Variants in ADAM9 observed in about 807,000 individuals in gnomAD.
ADAM9 encodes ADAM metallopeptidase domain 9, also known as disintegrin and metalloproteinase domain-containing protein 9.
In ADAM9, 54 loss-of-function variants were observed where a neutral mutation model predicts 108.1. The ratio of observed to expected loss-of-function variants is 0.50; its 90% CI spans 0.40 to 0.63. The LOEUF is 0.63. Ranked by LOEUF, ADAM9 falls within the 20% of genes least tolerant of loss-of-function variation. The probability of loss-of-function intolerance (pLI) is 0.00; values close to 1 mark genes in which losing one functional copy is unlikely to be tolerated. For synonymous variants in ADAM9, 316 were observed against 336.0 expected, an observed-to-expected ratio of 0.94 and a Z score of 0.65; for missense variants, 830 against 997.7, an observed-to-expected ratio of 0.83 and a Z score of 2.26.
At chr8:39,061,068 G>A (rs1389105619) in intron 14 of ADAM9, among the ~76,000 whole-genome samples, 1 of 152,194 alleles carries the variant, frequency 6.6e-6, no homozygotes, top group Admixed American at 6.5e-5. Flanking sequence ...TCTGCACAGG[G>A]CAAATAGGTG....
chr8:39,011,602 G>A, intron 2 of ADAM9, 56 bp from the exon 3 acceptor site: 1 of 1,502,610 alleles, frequency 6.7e-7, no homozygotes, highest in Non-Finnish European at 9.2e-7. Context: ...ATGAGATGTT[G>A]TTGAAAAGTA....
chr8:39,065,945 C>A (rs1838455623), intron 14 of ADAM9, among the ~76,000 whole-genome samples: 1 of 152,102 alleles, frequency 6.6e-6, no homozygotes, highest in Admixed American at 6.5e-5. Context: ...TGTTCCCTTT[C>A]CTGTGTCCAA....
At chr8:39,027,272 A>T (rs557836731) in intron 11 of ADAM9, among the ~76,000 whole-genome samples, 3 of 152,362 alleles carry the variant, frequency 2.0e-5, no homozygotes, top group Admixed American at 2.0e-4. Flanking sequence ...AAAGTGCTGC[A>T]TTGTCACTGT....
chr8:39,046,186 C>T (rs1384439908), intron 12 of ADAM9, among the ~76,000 whole-genome samples: 1 of 151,596 alleles, frequency 6.6e-6, no homozygotes, highest in Non-Finnish European at 1.5e-5. Context: ...GATCTTTTTC[C>T]TCACTTGTTA....
chr8:39,043,748 A>C (rs4733903), intron 12 of ADAM9, among the ~76,000 whole-genome samples: 3 of 151,972 alleles, frequency 2.0e-5, no homozygotes, highest in South Asian at 2.1e-4. Context: ...TTGTACCCAA[A>C]AGGTAATTTT....
chr8:39,064,015 G>GT (rs1471287197), intron 14 of ADAM9, among the ~76,000 whole-genome samples: 2 of 152,218 alleles, frequency 1.3e-5, no homozygotes, highest in East Asian at 3.9e-4. Flanking sequence ...CTTGAACTAG[G>GT]AATCCCTGCG....
intron 2 of ADAM9, among the ~76,000 whole-genome samples, chr8:39,009,766 T>A (rs986850808): frequency 6.6e-6 from 1 of 152,158 alleles, no homozygotes; most frequent in Non-Finnish European, 1.5e-5. Context: ...TTAAAAAGTA[T>A]TTATTGAGTT....
intron 1 of ADAM9, among the ~76,000 whole-genome samples, chr8:39,001,236 G>A (rs537972309): frequency 6.6e-6 from 1 of 152,200 alleles, no homozygotes; most frequent in South Asian, 2.1e-4. Flanking sequence ...AATGACAAAT[G>A]TGTAGGCTAT....
At chr8:39,057,885 A>G (rs1435944333) in intron 14 of ADAM9, among the ~76,000 whole-genome samples, 4 of 151,846 alleles carry the variant, frequency 2.6e-5, no homozygotes, top group Non-Finnish European at 2.9e-5. Context: ...AGTCAAATTA[A>G]CTCTACTAAA....
rs1032780341 is a variant in ADAM9 at position 39,105,062 on chromosome 8, T to C, written c.*1362T>C. 4.9e-6 allele frequency: 2 copies of C among 404,302 alleles called. No individual in the cohort carries two copies. Among genetic ancestry groups the C allele is most frequent in the African/African-American group, 2.1e-5 (1 of 47,318 alleles). 25.0% of individuals were successfully genotyped at this position (404,302 alleles called of 1,614,324 possible). On this transcript the variant is annotated 3_prime_UTR_variant, in exon 22 of 22. Transcript: ENST00000487273. ...TATAATCTCATTAATTAAAAAGTTA[T>C]AATTTTAGATAAAAATTCTAGTCAA...
rs1564397241 is a variant in ADAM9 at position 39,103,749 on chromosome 8, C to T, written c.*49C>T. On this transcript the variant is annotated 3_prime_UTR_variant, in exon 22 of 22. Transcript: ENST00000487273. ...ATGTCTTCAGGGAACTGAGCTAATA[C>T]TTTTTTTTTTTCTTGATGTTTTCTT... is the stretch of plus-strand genomic sequence containing the variant. 1 of 1,226,456 alleles carries T rather than the reference C, an allele frequency of 8.2e-7. No homozygotes were observed. The highest frequency in any genetic ancestry group is 1.1e-6 in the Non-Finnish European group (1 of 882,508). The allele number at this position is 1,226,456 out of a possible 1,614,324, so 76.0% of individuals were successfully genotyped here. A position where few individuals can be genotyped will look rare whatever the true frequency, so the allele number is the denominator to read the frequency against.
intron 15 of ADAM9, among the ~76,000 whole-genome samples, chr8:39,076,933 ATTAG>A (rs1187592212): frequency 3.9e-5 from 6 of 152,214 alleles, no homozygotes; most frequent in Admixed American, 2.6e-4. Flanking sequence ...AAACAACTTT[ATTAG>A]TTAGGCTGTT....
intron 14 of ADAM9, among the ~76,000 whole-genome samples, chr8:39,056,616 G>A (rs1564323228): frequency 6.6e-6 from 1 of 152,228 alleles, no homozygotes; most frequent in Middle Eastern, 3.4e-3. Context: ...AAACTGTATA[G>A]TAAGTTATAA....
intron 1 of ADAM9, among the ~76,000 whole-genome samples, chr8:38,997,441 G>C (rs1204310539): frequency 6.6e-6 from 1 of 152,016 alleles, no homozygotes; most frequent in African/African-American, 2.4e-5. Context: ...TCGCCGCCTC[G>C]CGCGACCCCG....
chr8:39,001,114 G>A (rs1835978962), intron 1 of ADAM9, among the ~76,000 whole-genome samples: 1 of 152,150 alleles, frequency 6.6e-6, no homozygotes, highest in Non-Finnish European at 1.5e-5. Context: ...TTGAAAGGCT[G>A]AGAATCCTGT....
intron 1 of ADAM9, among the ~76,000 whole-genome samples, chr8:38,999,598 G>T (rs2129430780): frequency 6.6e-6 from 1 of 152,266 alleles, no homozygotes; most frequent in East Asian, 1.9e-4. Context: ...TGATATGTTT[G>T]TGTTTGTGCC....
chr8:39,054,346 A>T, intron 12 of ADAM9, 135 bp from the exon 13 acceptor site: 10 of 749,008 alleles, frequency 1.3e-5, no homozygotes, highest in Non-Finnish European at 2.1e-5. Context: ...AGAAACAGTA[A>T]GCAACTGTTT....
chr8:39,045,588 A>ATATATATATATAT (rs1564303183), intron 12 of ADAM9, among the ~76,000 whole-genome samples: 3 of 150,556 alleles, frequency 2.0e-5, no homozygotes, highest in Admixed American at 6.6e-5. Context: ...ATATATATAT[A>ATATATATATATAT]AAAGATTTTT....
At chr8:39,072,639 G>A (rs565153069) in intron 15 of ADAM9, among the ~76,000 whole-genome samples, 1 of 152,288 alleles carries the variant, frequency 6.6e-6, no homozygotes, top group South Asian at 2.1e-4. Context: ...CTCTGCACCT[G>A]CTGTTCCCTC....
Sources: gnomAD v4.1 joint callset for allele counts (sites outside exome capture counted in the v4.1 genomes callset) on GRCh38, gnomAD v4.1.1 for gene constraint, MANE v1.5 for transcripts, NCBI Gene and HGNC (gene_info 2026-07-23, HGNC 2026-07-21) for gene names.